CALN1: variants seen among roughly 807,000 people sequenced by gnomAD.
CALN1 encodes the protein calneuron 1, also known as calcium-binding protein 8.
CALN1 carries 17 observed loss-of-function variants against 30.6 expected under a neutral mutation model. That is an observed-to-expected ratio of 0.56 (90% CI 0.38 to 0.83). The LOEUF is 0.83. CALN1 is among the 40% of genes least tolerant of loss of function. The pLI is 0.00. For synonymous variants in CALN1, 156 were observed against 131.4 expected, an observed-to-expected ratio of 1.19 and a Z score of -1.28; for missense variants, 291 against 354.9, an observed-to-expected ratio of 0.82 and a Z score of 1.45.
At chr7:71,799,450 T>TTTAGTTAG (rs199886231) in intron 6 of CALN1, among the ~76,000 whole-genome samples, 17 of 69,120 alleles carry the variant, frequency 2.5e-4, no homozygotes, top group African/African-American at 6.1e-4. Context: ...TATTTATTTA[T>TTTAGTTAG]TTAGTTAGTT....
chr7:72,194,748 C>T (rs1259360366), intron 3 of CALN1, among the ~76,000 whole-genome samples: 4 of 151,714 alleles, frequency 2.6e-5, no homozygotes, highest in Admixed American at 1.3e-4. Flanking sequence ...CCAGCCACCA[C>T]GGCCAGCTGA....
chr7:72,261,528 A>G (rs566639), intron 3 of CALN1, among the ~76,000 whole-genome samples: 87,374 of 151,650 alleles, frequency 0.58, 25,528 homozygotes, highest in South Asian at 0.65. Context: ...GGGCTTAAGC[A>G]ATCCTCCTGC....
intron 3 of CALN1, among the ~76,000 whole-genome samples, chr7:72,249,304 T>C (rs1225543454): frequency 1.3e-5 from 2 of 152,256 alleles, no homozygotes; most frequent in African/African-American, 4.8e-5. Context: ...CACCTGCCCA[T>C]ACACAGCTCA....
intron 1 of CALN1, among the ~76,000 whole-genome samples, chr7:72,439,154 C>T (rs745547568): frequency 6.6e-6 from 1 of 152,222 alleles, no homozygotes; most frequent in Admixed American, 6.5e-5. Context: ...CCTTAGCCTC[C>T]CGAGTAGCTG....
Position 72,148,365 on chromosome 7 carries a change from C to T in CALN1, c.245-42071G>A, listed in dbSNP as rs367963632. Among the ~76,000 whole-genome samples, 9 of 148,038 alleles carry T rather than the reference C, an allele frequency of 6.1e-5. No individual in the cohort carries two copies. The East Asian group carries it at 1.2e-3, about 20-fold the overall frequency. On this transcript the variant is annotated intron_variant, in intron 3 of 6. Transcript: ENST00000395275. ...GGAGGATCACTTGAGCCCAGGAATTCGAGGCCAGCCTAGGCAACATAGCAA... is the reference window on the plus strand; with the variant it reads ...GGAGGATCACTTGAGCCCAGGAATTTGAGGCCAGCCTAGGCAACATAGCAA...
chr7:72,026,225 T>C (rs181042157), intron 4 of CALN1, among the ~76,000 whole-genome samples: 6 of 152,246 alleles, frequency 3.9e-5, no homozygotes, highest in Non-Finnish European at 5.9e-5. Flanking sequence ...GTCCCAGATA[T>C]AGACAGGAAG....
intron 2 of CALN1, among the ~76,000 whole-genome samples, chr7:72,310,087 T>C (rs1799941029): frequency 6.6e-6 from 1 of 152,008 alleles, no homozygotes; most frequent in South Asian, 2.1e-4. Context: ...AACGTCCTGA[T>C]CAAGGACTTG....
chr7:72,167,902 T>C (rs756531702), intron 3 of CALN1, among the ~76,000 whole-genome samples: 2 of 152,160 alleles, frequency 1.3e-5, no homozygotes, highest in African/African-American at 2.4e-5. Flanking sequence ...TATCCCAAGC[T>C]CCAAAGACTT....
At chr7:72,076,370 G>A (rs538982438) in intron 4 of CALN1, among the ~76,000 whole-genome samples, 5 of 151,032 alleles carry the variant, frequency 3.3e-5, no homozygotes, top group Non-Finnish European at 1.5e-5. Context: ...AGGCCGAGGC[G>A]AGCAGATCAC....
chr7:71,802,744 T>C (rs1787380788), intron 6 of CALN1, among the ~76,000 whole-genome samples: 1 of 152,168 alleles, frequency 6.6e-6, no homozygotes, highest in Non-Finnish European at 1.5e-5. Context: ...TATATCAAGC[T>C]GGGTACGGGG....
the CALN1 span, among the ~76,000 whole-genome samples, chr7:72,475,945 T>C: frequency 2.2e-5 from 3 of 133,696 alleles, no homozygotes; most frequent in African/African-American, 9.2e-5. Flanking sequence ...CTCTCTCTTT[T>C]TTTTTTTTTT....
rs192699584 is a variant in CALN1 at position 72,367,495 on chromosome 7, C to A, written c.119+35756G>T. On this transcript the variant is annotated intron_variant, in intron 2 of 6. Coordinates refer to ENST00000395275, the MANE Select transcript of CALN1 (RefSeq NM_031468.4). ...TTGAAAAATTAACGGTGTGGTGGTG[C>A]ATGCCTGTGATCCCAGCTACTTGGA... Among the ~76,000 whole-genome samples, 728 of 152,110 alleles carry A rather than the reference C, an allele frequency of 4.8e-3. 4 individuals carry two copies. The highest frequency in any genetic ancestry group is 0.031 in the Middle Eastern group (9 of 294).
At chr7:72,477,169 C>T in the CALN1 span, among the ~76,000 whole-genome samples, 3 of 151,948 alleles carry the variant, frequency 2.0e-5, no homozygotes, top group Non-Finnish European at 2.9e-5. Context: ...TGAGATCGTG[C>T]CACTGAACTC....
intron 4 of CALN1, among the ~76,000 whole-genome samples, chr7:72,029,125 T>C (rs1358094614): frequency 6.6e-6 from 1 of 152,138 alleles, no homozygotes; most frequent in Non-Finnish European, 1.5e-5. Flanking sequence ...TTCTAATATT[T>C]GGTCTTTTTT....
intron 2 of CALN1, among the ~76,000 whole-genome samples, chr7:72,351,009 C>G (rs1802892166): frequency 6.6e-6 from 1 of 151,964 alleles, no homozygotes; most frequent in Non-Finnish European, 1.5e-5. Context: ...GGCGTGGTGG[C>G]AGGCACCTAT....
At chr7:72,020,767 C>T (rs919670348) in intron 5 of CALN1, among the ~76,000 whole-genome samples, 3 of 152,198 alleles carry the variant, frequency 2.0e-5, no homozygotes, top group African/African-American at 4.8e-5. Context: ...AATTAAGCTA[C>T]AGGCAGTCCA....
intron 3 of CALN1, among the ~76,000 whole-genome samples, chr7:72,224,996 G>A (rs1793566969): frequency 6.6e-6 from 1 of 151,900 alleles, no homozygotes; most frequent in South Asian, 2.1e-4. Context: ...TACTTGGGAG[G>A]CTGAGGCAGG....
chr7:71,885,708 AT>A (rs1331296618), intron 5 of CALN1, among the ~76,000 whole-genome samples: 4 of 152,230 alleles, frequency 2.6e-5, no homozygotes, highest in Admixed American at 2.6e-4. Context: ...AGGTTAGCAC[AT>A]AAACTACAAA....
chr7:71,993,757 T>G (rs1218489196), intron 5 of CALN1, among the ~76,000 whole-genome samples: 1 of 152,012 alleles, frequency 6.6e-6, no homozygotes. Context: ...GTGCCCAGCC[T>G]GAGGATATAA....
Sources: gnomAD v4.1 joint callset for allele counts (sites outside exome capture counted in the v4.1 genomes callset) on GRCh38, gnomAD v4.1.1 for gene constraint, MANE v1.5 for transcripts, NCBI Gene and HGNC (gene_info 2026-07-23, HGNC 2026-07-21) for gene names.